The following CASP6 variants were observed in gnomAD, a reference collection of about 807,000 sequenced individuals.
CASP6 encodes the protein caspase-6.
CASP6 carries 20 observed loss-of-function variants against 31.8 expected under a neutral mutation model. The ratio of observed to expected loss-of-function variants is 0.63; its 90% CI spans 0.44 to 0.91. The LOEUF is 0.91. Among genes scored for constraint, CASP6 ranks in the 40% least tolerant of loss-of-function variants. CASP6 has a pLI of 0.00. For missense variants in CASP6, 328 were observed against 361.1 expected (o/e 0.91, Z 0.74); for synonymous variants, 130 against 127.8 (o/e 1.02, Z -0.12).
At chr4:109,690,077 C>T (rs1347670195) in intron 6 of CASP6, among the ~76,000 whole-genome samples, 12 of 151,102 alleles carry the variant, frequency 7.9e-5, no homozygotes, top group Admixed American at 2.6e-4. Context: ...CCCAGCTACT[C>T]GGGAGGCTGA....
At chr4:109,667,741 A>C in the CASP6 span, among the ~76,000 whole-genome samples, 1 of 151,066 alleles carries the variant, frequency 6.6e-6, no homozygotes, top group East Asian at 1.9e-4. Flanking sequence ...TTAAAGTATA[A>C]GTTCAGATCT....
chr4:109,684,415 G>A, downstream of CASP6: 2 of 1,565,506 alleles, frequency 1.3e-6, no homozygotes, highest in South Asian at 1.2e-5. Flanking sequence ...TTTGTAAACA[G>A]AATTAACAGT....
intron 5 of CASP6, among the ~76,000 whole-genome samples, chr4:109,693,195 G>A (rs5030577): frequency 0.57 from 86,186 of 151,490 alleles, 24,752 homozygotes; most frequent in South Asian, 0.68. Context: ...GGCCTCACCA[G>A]AAGCAGATGC....
chr4:109,682,500 A>C, the CASP6 span: 1 of 1,114,456 alleles, frequency 9.0e-7, no homozygotes, highest in Non-Finnish European at 1.3e-6. Flanking sequence ...AATATTTGGA[A>C]AGAGAATTGG....
At chr4:109,676,539 C>T in the CASP6 span, among the ~76,000 whole-genome samples, 15 of 152,154 alleles carry the variant, frequency 9.9e-5, no homozygotes, top group African/African-American at 1.4e-4. Context: ...CATGACAATA[C>T]AGGCTTTTTC....
chr4:109,700,287 T>C (rs1453105448), intron 1 of CASP6, among the ~76,000 whole-genome samples: 1 of 152,232 alleles, frequency 6.6e-6, no homozygotes, highest in Non-Finnish European at 1.5e-5. Flanking sequence ...GTCTCAAATA[T>C]GCCCTCACAT....
At chr4:109,707,796 G>A (rs1480357623), upstream of CASP6, among the ~76,000 whole-genome samples, 3 of 152,180 alleles carry the variant, frequency 2.0e-5, no homozygotes, top group African/African-American at 4.8e-5. Context: ...CCTGGGGAGA[G>A]CATGTTGTCC....
chr4:109,685,123 A>T (rs1272205112), downstream of CASP6: 1 of 586,344 alleles, frequency 1.7e-6, no homozygotes. Flanking sequence ...TCTCATGGCC[A>T]TTGCAAATAT....
intron 3 of CASP6, 114 bp from the exon 4 acceptor site, chr4:109,696,600 G>A: frequency 1.6e-6 from 1 of 630,284 alleles, no homozygotes; most frequent in East Asian, 2.8e-5. Flanking sequence ...CTTTCTTTAG[G>A]AGAAAAGAAA....
chr4:109,691,053 C>G, intron 5 of CASP6, 44 bp from the exon 6 acceptor site: 1 of 1,574,540 alleles, frequency 6.4e-7, no homozygotes, highest in South Asian at 1.2e-5. Flanking sequence ...CCTACTGTTT[C>G]CTTCCCAGTG....
At chr4:109,678,636 G>T in the CASP6 span, among the ~76,000 whole-genome samples, 2 of 143,446 alleles carry the variant, frequency 1.4e-5, no homozygotes, top group Non-Finnish European at 3.0e-5. Flanking sequence ...ACGGGGTGGC[G>T]GCCGGGCAGA....
downstream of CASP6, chr4:109,687,665 A>G (rs924278279): frequency 1.1e-6 from 1 of 883,128 alleles, no homozygotes; most frequent in Non-Finnish European, 1.9e-6. Flanking sequence ...TTTGAGTCCC[A>G]TGGTTCATTT....
In CASP6 at chr4:109,703,340, G is replaced by C; in HGVS notation, c.40+16C>G. 1 of 1,605,742 alleles carries C rather than the reference G, an allele frequency of 6.2e-7. No homozygotes were observed. Among genetic ancestry groups the C allele is most frequent in the South Asian group, 1.1e-5 (1 of 89,148 alleles). ...ACGCAGACCTGCTCGGTGCCCAGTC[G>C]ACGCCCCCTGCCTACCTGCCGGGTG... On this transcript the variant is annotated intron_variant, in intron 1 of 6. Coordinates refer to ENST00000265164, the MANE Select transcript of CASP6 (RefSeq NM_001226.4).
In CASP6 at chr4:109,703,347, C is replaced by T. The variant is rs1313279805; in HGVS notation, c.40+9G>A. On this transcript the variant is annotated intron_variant, in intron 1 of 6. Coordinates refer to ENST00000265164, the MANE Select transcript of CASP6 (RefSeq NM_001226.4). ...CCTGCTCGGTGCCCAGTCGACGCCC[C>T]CTGCCTACCTGCCGGGTGCCCCCTG... The T allele has an allele frequency of 6.2e-7, 1 of 1,608,236 alleles. No individual in the cohort carries two copies.
At position 109,700,944 on chromosome 4, in the gene CASP6, G is replaced by A. The variant is rs5030536; in HGVS notation, c.40+2412C>T. Among the ~76,000 whole-genome samples the A allele has an allele frequency of 1.4e-4, 21 of 152,202 alleles. 1 individual carries two copies. In the South Asian group the frequency reaches 3.1e-3, roughly 23 times the overall value. On this transcript the variant is annotated intron_variant, in intron 1 of 6. Coordinates refer to ENST00000265164, the MANE Select transcript of CASP6 (RefSeq NM_001226.4). ...GGGGGCACTTAAGTATCATTATGCCGCATTAATATTTATTTTTTATTACTA... is the reference window on the plus strand; with the variant it reads ...GGGGGCACTTAAGTATCATTATGCCACATTAATATTTATTTTTTATTACTA...
At chr4:109,692,469 T>C (rs1730087758) in intron 5 of CASP6, 2 of 152,224 alleles carry the variant, frequency 1.3e-5, no homozygotes, top group Admixed American at 1.3e-4. Context: ...CATTTGTGGC[T>C]TTCTTCCCAC....
chr4:109,696,043 T>C (rs975985156), intron 4 of CASP6, among the ~76,000 whole-genome samples: 3 of 152,184 alleles, frequency 2.0e-5, no homozygotes, highest in African/African-American at 7.2e-5. Context: ...CCAACACTAT[T>C]TGGAAACCAG....
Position 109,689,330 on chromosome 4 carries a change from T to C in CASP6, c.882A>G (p.Ter294=), listed in dbSNP as rs753028691. 9 of 1,612,810 alleles carry C rather than the reference T, an allele frequency of 5.6e-6. No individual in the cohort carries two copies. In the Admixed American group the frequency reaches 1.5e-4, roughly 27 times the overall value. ...KKLHFFPKSN[*] ...TGTAAAATTAGATAGCCTCTATTAA[T>C]TAATTAGATTTTGGAAAGAAATGCA... is the stretch of plus-strand genomic sequence containing the variant. Residue 294 remains the stop codon, a stop_retained_variant, in exon 7 of 7, where the codon TAA becomes TAG. Transcript: ENST00000265164.
At chr4:109,682,799 GCTC>G in the CASP6 span, 14 of 1,334,734 alleles carry the variant, frequency 1.0e-5, no homozygotes, top group African/African-American at 1.0e-4. Flanking sequence ...TTTATTGAGT[GCTC>G]CTCATGTGAG....
Sources: allele counts gnomAD v4.1 joint callset (sites outside exome capture counted in the v4.1 genomes callset), GRCh38; gene constraint gnomAD v4.1.1; transcripts MANE v1.5; gene names NCBI Gene and HGNC (gene_info 2026-07-23, HGNC 2026-07-21).